PTPRF: variants seen among roughly 807,000 people sequenced by gnomAD.
PTPRF encodes receptor-type tyrosine-protein phosphatase F.
Under a neutral mutation model 201.8 loss-of-function variants are expected in PTPRF, and 59 were observed. That is an observed-to-expected ratio of 0.29 (90% confidence interval 0.24 to 0.36). The LOEUF (loss-of-function observed/expected upper bound fraction) is 0.36, where lower values mean the gene tolerates loss of function less well. PTPRF is among the 10% of genes least tolerant of loss of function. PTPRF has a pLI of 1.00. For missense variants in PTPRF, 2,132 were observed against 2,690.5 expected, an observed-to-expected ratio of 0.79 and a Z score of 4.59; for synonymous variants, 1,088 against 1,089.7, an observed-to-expected ratio of 1.00 and a Z score of 0.03.
At chr1:43,564,630 A>G (rs1007352660) in intron 5 of PTPRF, among the ~76,000 whole-genome samples, 1 of 151,816 alleles carries the variant, frequency 6.6e-6, no homozygotes, top group Non-Finnish European at 1.5e-5. Flanking sequence ...GCATGTTTCT[A>G]TGGTGTCTGT....
At chr1:43,575,983 C>A in intron 6 of PTPRF, 1 of 1,351,054 alleles carries the variant, frequency 7.4e-7, no homozygotes, top group East Asian at 4.6e-5. Flanking sequence ...GCCGTCACCT[C>A]CACTCCATCC....
At chr1:43,570,511 A>G (rs899338863) in intron 6 of PTPRF, among the ~76,000 whole-genome samples, 9 of 152,194 alleles carry the variant, frequency 5.9e-5, no homozygotes, top group South Asian at 2.1e-4. Context: ...CCTGCTAGCT[A>G]TGGGATGGTT....
chr1:43,618,531 C>G (rs1313163056), intron 25 of PTPRF, 99 bp from the exon 26 acceptor site: 2 of 1,450,988 alleles, frequency 1.4e-6, no homozygotes, highest in Non-Finnish European at 1.9e-6. Context: ...GCTTTGTAGC[C>G]AGAAAGGCTA....
Position 43,553,951 on chromosome 1 carries a change from A to G in PTPRF, c.379+10A>G, listed in dbSNP as rs1553174365. 1.9e-6 allele frequency: 3 copies of G among 1,613,428 alleles called. No individual in the cohort carries two copies. In the South Asian group the frequency reaches 3.3e-5, roughly 18 times the overall value. ...CTCTCAGTGCTCGAAGGTACGTGCT[A>G]GGGAGACGTGGCACGGTGGGCTGCC... On this transcript the variant is annotated intron_variant, in intron 5 of 33. Coordinates refer to ENST00000359947, the MANE Select transcript of PTPRF (RefSeq NM_002840.5). The surrounding 1 kb of genome is among the most constrained non-coding windows in gnomAD (Gnocchi z 4.1).
chr1:43,606,855 C>G lies in PTPRF; in HGVS notation c.3744C>G (p.Val1248=). Residue 1248 remains valine (V), a synonymous_variant, in exon 21 of 34, where the codon GTC becomes GTG. Coordinates refer to ENST00000359947, the MANE Select transcript of PTPRF (RefSeq NM_002840.5). The part of the protein sequence containing the change: ...ASSPYSDEIV[V]QVTPAQQQEE... ...GCCCCTACTCGGATGAGATCGTGGT[C>G]CAGGTGACACCAGCCCAGCAGCAGG... The G allele has an allele frequency of 3.7e-6, 6 of 1,614,126 alleles. No individual in the cohort carries two copies. The highest frequency in any genetic ancestry group is 5.1e-6 in the Non-Finnish European group (6 of 1,180,034).
At position 43,591,103 on chromosome 1, in the gene PTPRF, G is replaced by A. The variant is rs760597858; in HGVS notation, c.1081G>A (p.Gly361Ser). The A allele has an allele frequency of 1.2e-6, 2 of 1,613,914 alleles. No homozygotes were observed. Among genetic ancestry groups the A allele is most frequent in the Non-Finnish European group, 1.7e-6 (2 of 1,180,052 alleles). The change falls in exon 9 of 34, where the codon GGC becomes AGC. Residue 361 changes from glycine to serine, a missense_variant. Transcript: ENST00000359947. ...CCAGTACCGCGCAGCGGGCACGGAG[G>A]GCCCCTTTCAGGAGGTGGATGGTGT... is the stretch of plus-strand genomic sequence containing the variant. ...GIQYRAAGTE[G>S]PFQEVDGVAT... is the part of the protein sequence containing the mutation.
rs761178241 is a variant in PTPRF at position 43,619,494 on chromosome 1, G to A, written c.4853G>A (p.Arg1618His). The change falls in exon 28 of 34, where the codon CGC becomes CAC. Residue 1618 changes from arginine to histidine, a missense_variant. Arg to His is a conservative substitution (Grantham distance 29). Around this residue, in one of 6 missense-constraint regions of PTPRF, gnomAD observed 519 missense variants for 659.5 expected, o/e 0.79. Coordinates refer to ENST00000359947, the MANE Select transcript of PTPRF (RefSeq NM_002840.5). ...ATCGHTEVPA[R>H]NLYAHIQKLG... Reference sequence around the variant, plus strand: ...TGCGGCCACACAGAGGTGCCTGCCCGCAACCTGTATGCCCACATCCAGAAG... The same window carrying A: ...TGCGGCCACACAGAGGTGCCTGCCCACAACCTGTATGCCCACATCCAGAAG... 18 of 1,613,896 alleles carry A rather than the reference G, an allele frequency of 1.1e-5. No homozygotes were observed. The highest frequency in any genetic ancestry group is 8.9e-5 in the East Asian group (4 of 44,894).
At chr1:43,612,881 C>T (rs986825345) in intron 22 of PTPRF, 18 of 1,141,532 alleles carry the variant, frequency 1.6e-5, no homozygotes, top group South Asian at 3.8e-5. Context: ...TTTACCCCAT[C>T]GCCTCCATCC....
In PTPRF at chr1:43,609,386, A is replaced by G. The variant is rs1168035628; in HGVS notation, c.3861A>G (p.Lys1287=). 2 of 1,613,404 alleles carry G rather than the reference A, an allele frequency of 1.2e-6. No individual in the cohort carries two copies. The highest frequency in any genetic ancestry group is 2.7e-5 in the African/African-American group (2 of 74,870). ...IVIAILLFKR[K]RTHSPSSKDE... ...AGCCTCCCTTCTGTCTCTCTAGGAA[A>G]AGGACCCACTCTCCGTCCTCTAAGG... Residue 1287 remains lysine, a synonymous_variant, in exon 22 of 34, where the codon AAA becomes AAG. Transcript: ENST00000359947.
At position 43,612,845 on chromosome 1, in the gene PTPRF, G is replaced by C. The variant is rs746293514; in HGVS notation, c.3974-773G>C. The C allele has an allele frequency of 5.2e-6, 7 of 1,333,484 alleles. No individual in the cohort carries two copies. The East Asian group carries it at 1.4e-4, about 26-fold the overall frequency. The allele number at this position is 1,333,484 out of a possible 1,614,324, so 82.6% of individuals were successfully genotyped here. A position where few individuals can be genotyped will look rare whatever the true frequency, so the allele number is the denominator to read the frequency against. ...GTGTTTGGGGGATACTTTGGCTTCT[G>C]TGTCTGTTTCCACTCCTTACTTTTG... is the stretch of plus-strand genomic sequence containing the variant. On this transcript the variant is annotated intron_variant, in intron 22 of 33. Coordinates refer to ENST00000359947, the MANE Select transcript of PTPRF (RefSeq NM_002840.5).
intron 19 of PTPRF, 76 bp downstream of exon 19, chr1:43,605,698 T>TC: frequency 7.4e-7 from 1 of 1,357,222 alleles, no homozygotes; most frequent in Non-Finnish European, 1.0e-6. Flanking sequence ...CTGAGCACTG[T>TC]CCCAGTGACT....
intron 5 of PTPRF, among the ~76,000 whole-genome samples, chr1:43,565,694 G>A (rs1323405462): frequency 6.8e-6 from 1 of 148,022 alleles, no homozygotes. Flanking sequence ...CACCCGGTTG[G>A]GGGTGGAGGG....
intron 11 of PTPRF, among the ~76,000 whole-genome samples, chr1:43,595,604 A>G (rs1346329267): frequency 1.3e-5 from 2 of 152,204 alleles, no homozygotes; most frequent in Non-Finnish European, 2.9e-5. Flanking sequence ...GAAACCGTGG[A>G]AAAGAGGGTA....
chr1:43,607,732 GC>G (rs1655477110), intron 21 of PTPRF, among the ~76,000 whole-genome samples: 1 of 152,160 alleles, frequency 6.6e-6, no homozygotes, highest in Non-Finnish European at 1.5e-5. Flanking sequence ...CAGTGTTCAG[GC>G]CCACACAGGG....
At chr1:43,584,038 C>A (rs949638762) in intron 7 of PTPRF, among the ~76,000 whole-genome samples, 1 of 152,170 alleles carries the variant, frequency 6.6e-6, no homozygotes, top group East Asian at 1.9e-4. Flanking sequence ...GGAAGGGTTT[C>A]CTGGAGACTG....
chr1:43,615,393 T>TG (rs1211892061), intron 23 of PTPRF, among the ~76,000 whole-genome samples: 1 of 151,992 alleles, frequency 6.6e-6, no homozygotes, highest in East Asian at 1.9e-4. Flanking sequence ...TCTGGGCTCG[T>TG]GGGGCCTCTG....
chr1:43,535,928 A>G (rs767501121), intron 1 of PTPRF, among the ~76,000 whole-genome samples: 5 of 152,088 alleles, frequency 3.3e-5, no homozygotes, highest in Non-Finnish European at 5.9e-5. Context: ...GTGTAGTCCC[A>G]CCTGGCTAAT....
In PTPRF at chr1:43,591,872, C is replaced by T. The variant is rs200072533; in HGVS notation, c.1592C>T (p.Ser531Leu). 16 of 1,613,400 alleles carry T rather than the reference C, an allele frequency of 9.9e-6. No homozygotes were observed. Among genetic ancestry groups the T allele is most frequent in the Admixed American group, 3.3e-5 (2 of 60,010 alleles). ...EVESDTRIQLSWLLPPQERII... is the reference protein window; with the variant it reads ...EVESDTRIQLLWLLPPQERII... ...GAGTCGGACACCAGGATCCAGCTCT[C>T]GTGGCTGCTGCCCCCTCAGGAGCGG... The change falls in exon 10 of 34, where the codon TCG becomes TTG. Residue 531 changes from serine to leucine, a missense_variant. This residue lies in a region of PTPRF where 351 missense variants were observed against 401.7 expected (regional missense o/e 0.87). Transcript: ENST00000359947.
intron 21 of PTPRF, 132 bp downstream of exon 21, chr1:43,607,100 C>T (rs1655311205): frequency 1.6e-6 from 2 of 1,218,896 alleles, no homozygotes; most frequent in African/African-American, 1.5e-5. Context: ...AGCAGGAAGG[C>T]AGGAAGGGCA....
Sources: allele counts gnomAD v4.1 joint callset (sites outside exome capture counted in the v4.1 genomes callset), GRCh38; gene constraint gnomAD v4.1.1; regional missense constraint gnomAD v4.1.1; non-coding constraint Gnocchi (gnomAD v3.1); transcripts MANE v1.5; gene names NCBI Gene and HGNC (gene_info 2026-07-23, HGNC 2026-07-21).